UNC13C: variants seen among roughly 807,000 people sequenced by gnomAD.
UNC13C encodes unc-13 homolog C, also known as protein unc-13 homolog C.
A neutral mutation model predicts 245.4 loss-of-function variants in UNC13C; 174 were observed. The observed-to-expected ratio is 0.71, with a 90% CI of 0.63 to 0.80. The LOEUF (loss-of-function observed/expected upper bound fraction) is 0.80. UNC13C is among the 30% of genes least tolerant of loss of function. The pLI, the probability that UNC13C is intolerant of heterozygous loss-of-function variation, is 0.00. For synonymous variants in UNC13C, 992 were observed against 895.1 expected (o/e 1.11, Z -1.93); for missense variants, 2,829 against 2,602.9 (o/e 1.09, Z -1.89).
chr15:53,922,142 T>G, the UNC13C span, among the ~76,000 whole-genome samples: 1 of 152,206 alleles, frequency 6.6e-6, no homozygotes, highest in Non-Finnish European at 1.5e-5. Context: ...TATTACTGGT[T>G]TTTAAAAAGC....
chr15:54,277,917 G>A (rs776204724), intron 10 of UNC13C, among the ~76,000 whole-genome samples: 1 of 152,132 alleles, frequency 6.6e-6, no homozygotes, highest in Non-Finnish European at 1.5e-5. Context: ...CACTCCAGGC[G>A]ATCTCAGATT....
chr15:54,021,260 G>A (rs758974823), intron 2 of UNC13C, among the ~76,000 whole-genome samples: 30 of 151,934 alleles, frequency 2.0e-4, no homozygotes, highest in Non-Finnish European at 2.6e-4. Context: ...TCACCATACC[G>A]TGCAGTAGAT....
At chr15:54,418,300 G>A (rs2040563128) in intron 19 of UNC13C, among the ~76,000 whole-genome samples, 1 of 152,084 alleles carries the variant, frequency 6.6e-6, no homozygotes, top group South Asian at 2.1e-4. Flanking sequence ...AGATTTCACA[G>A]ACTGGTTAAT....
intron 2 of UNC13C, among the ~76,000 whole-genome samples, chr15:54,099,922 C>G (rs1314951402): frequency 6.6e-6 from 1 of 151,842 alleles, no homozygotes; most frequent in Non-Finnish European, 1.5e-5. Flanking sequence ...TGGTGAAACC[C>G]TGTCTCCACT....
At chr15:54,209,886 A>G (rs1448706852) in intron 4 of UNC13C, among the ~76,000 whole-genome samples, 2 of 152,136 alleles carry the variant, frequency 1.3e-5, no homozygotes, top group Admixed American at 6.6e-5. Context: ...AATAAATAAG[A>G]TAAAATGAGA....
intron 14 of UNC13C, among the ~76,000 whole-genome samples, chr15:54,324,449 T>C (rs1263342290): frequency 1.3e-5 from 2 of 152,088 alleles, no homozygotes; most frequent in South Asian, 4.1e-4. Flanking sequence ...CAAGTATAAA[T>C]CTTATTTGAA....
chr15:54,522,321 A>G (rs1218458989), intron 24 of UNC13C, among the ~76,000 whole-genome samples: 2 of 151,568 alleles, frequency 1.3e-5, no homozygotes, highest in South Asian at 2.1e-4. Flanking sequence ...AAATACAAAA[A>G]AAAAAAAAAA....
At chr15:54,188,616 A>C (rs1282814247) in intron 4 of UNC13C, among the ~76,000 whole-genome samples, 2 of 152,168 alleles carry the variant, frequency 1.3e-5, no homozygotes, top group Non-Finnish European at 2.9e-5. Context: ...TCAGAGCCTA[A>C]GTTCTTAATA....
At chr15:54,616,666 A>C (rs933312889) in intron 30 of UNC13C, among the ~76,000 whole-genome samples, 1 of 152,096 alleles carries the variant, frequency 6.6e-6, no homozygotes, top group African/African-American at 2.4e-5. Flanking sequence ...GCTATGTGTT[A>C]CTATGAAAGA....
At chr15:54,063,364 A>G (rs1395272092) in intron 2 of UNC13C, among the ~76,000 whole-genome samples, 1 of 152,092 alleles carries the variant, frequency 6.6e-6, no homozygotes, top group Non-Finnish European at 1.5e-5. Flanking sequence ...AGAATTTAGG[A>G]TGTTAGAGTC....
At chr15:54,111,300 G>A (rs1415292841) in intron 2 of UNC13C, among the ~76,000 whole-genome samples, 2 of 152,114 alleles carry the variant, frequency 1.3e-5, no homozygotes, top group African/African-American at 4.8e-5. Flanking sequence ...TGTGACCTTG[G>A]TAGAAAATGA....
rs368636356 is a variant in UNC13C at position 54,414,575 on chromosome 15, A to G, written c.4848-407A>G. On this transcript the variant is annotated intron_variant, in intron 18 of 32. Coordinates refer to ENST00000260323, the MANE Select transcript of UNC13C (RefSeq NM_001080534.3). ...GGCAGGAGAATTGCTTGAACCCGGG[A>G]GGCAGAGATTGCAGTGAGCCAAAAT... Among the ~76,000 whole-genome samples the G allele has an allele frequency of 3.9e-5, 6 of 152,104 alleles. No homozygotes were observed. In the East Asian group the frequency reaches 7.7e-4, roughly 20 times the overall value.
chr15:53,904,031 A>G, the UNC13C span, among the ~76,000 whole-genome samples: 3 of 152,210 alleles, frequency 2.0e-5, no homozygotes, highest in Admixed American at 1.3e-4. Flanking sequence ...TAATATGAAT[A>G]TCACACACAC....
At chr15:54,197,251 A>C (rs12592575) in intron 4 of UNC13C, among the ~76,000 whole-genome samples, 74,947 of 151,944 alleles carry the variant, frequency 0.49, 18,760 homozygotes, top group East Asian at 0.56. Flanking sequence ...CCAAGGCAGG[A>C]AGATCACCTG....
At chr15:53,854,682 GT>G in the UNC13C span, among the ~76,000 whole-genome samples, 1 of 152,168 alleles carries the variant, frequency 6.6e-6, no homozygotes, top group Non-Finnish European at 1.5e-5. Flanking sequence ...GTACCATGCT[GT>G]TTTGGTTACT....
chr15:54,129,833 TAA>T (rs763082690), intron 2 of UNC13C, among the ~76,000 whole-genome samples: 22 of 151,590 alleles, frequency 1.5e-4, no homozygotes, highest in South Asian at 6.3e-4. Context: ...ATTACAACTT[TAA>T]AAAAGTCTTT....
chr15:54,476,448 C>T lies in UNC13C; in HGVS notation c.4934-18160C>T, dbSNP rs1036870784. 5.5e-3 allele frequency among the ~76,000 whole-genome samples: 823 copies of T among 148,814 alleles called. 8 individuals are homozygous for T. The highest frequency in any genetic ancestry group is 0.019 in the African/African-American group (773 of 40,298). On this transcript the variant is annotated intron_variant, in intron 19 of 32. Coordinates refer to ENST00000260323, the MANE Select transcript of UNC13C (RefSeq NM_001080534.3). ...AGGGTTTTTATGGTTTTAGGTCTAACGTTTAAGTCTTTAATCTATCTTGAA... is the reference window on the plus strand; with the variant it reads ...AGGGTTTTTATGGTTTTAGGTCTAATGTTTAAGTCTTTAATCTATCTTGAA...
chr15:53,894,042 A>C, the UNC13C span, among the ~76,000 whole-genome samples: 7 of 152,172 alleles, frequency 4.6e-5, no homozygotes, highest in Admixed American at 4.6e-4. Context: ...TCTGGGCTGG[A>C]GCACACAGTT....
At chr15:54,030,601 C>T (rs994205845) in intron 2 of UNC13C, among the ~76,000 whole-genome samples, 2 of 152,116 alleles carry the variant, frequency 1.3e-5, no homozygotes, top group Non-Finnish European at 2.9e-5. Flanking sequence ...CTTCTTACCC[C>T]CATCTTTGTT....
Sources: gnomAD v4.1 joint callset for allele counts (sites outside exome capture counted in the v4.1 genomes callset) on GRCh38, gnomAD v4.1.1 for gene constraint, MANE v1.5 for transcripts, NCBI Gene and HGNC (gene_info 2026-07-23, HGNC 2026-07-21) for gene names.